The following SCN11A variants were observed in gnomAD, a reference collection of about 807,000 sequenced individuals.
SCN11A encodes sodium channel protein type 11 subunit alpha.
In SCN11A, 122 loss-of-function variants were observed where a neutral mutation model predicts 162.2. The observed-to-expected ratio is 0.75, with a 90% CI of 0.65 to 0.87. The LOEUF is 0.87. Among genes scored for constraint, SCN11A ranks in the 40% least tolerant of loss-of-function variants. The probability of loss-of-function intolerance (pLI) is 0.00; values close to 1 mark genes in which losing one functional copy is unlikely to be tolerated. For missense variants in SCN11A, 2,015 were observed against 2,181.6 expected, an observed-to-expected ratio of 0.92 and a Z score of 1.52; for synonymous variants, 758 against 751.5, an observed-to-expected ratio of 1.01 and a Z score of -0.14.
chr3:38,909,852 G>A lies in SCN11A; in HGVS notation c.1101+214C>T, dbSNP rs550500513. 1.2e-4 allele frequency among the ~76,000 whole-genome samples: 19 copies of A among 152,128 alleles called. No homozygotes were observed. In the South Asian group the frequency reaches 1.7e-3, roughly 13 times the overall value. On this transcript the variant is annotated intron_variant, in intron 12 of 29. Coordinates refer to ENST00000302328, the MANE Select transcript of SCN11A (RefSeq NM_001349253.2). The stretch of plus-strand genomic sequence containing the variant: ...CTTCCAAAGTGCTAGGATTACAGGC[G>A]GGAGTCAGCGTGCCTGGCCAATTTT...
In SCN11A at chr3:39,018,342, C is replaced by T. The variant is rs149874508; in HGVS notation, c.-280+14038G>A. Reference sequence around the variant, plus strand: ...TGTTGGTTGTCTGTCCTGAAAACTCCGGGTGTTTTTATTCTCCTTCAGACT... The same window carrying T: ...TGTTGGTTGTCTGTCCTGAAAACTCTGGGTGTTTTTATTCTCCTTCAGACT... On this transcript the variant is annotated intron_variant, in intron 2 of 29. Coordinates refer to ENST00000302328, the MANE Select transcript of SCN11A (RefSeq NM_001349253.2). Among the ~76,000 whole-genome samples, 268 of 152,026 alleles carry T rather than the reference C, an allele frequency of 1.8e-3. 2 individuals carry two copies. The highest frequency in any genetic ancestry group is 6.0e-3 in the African/African-American group (250 of 41,328).
intron 7 of SCN11A, among the ~76,000 whole-genome samples, chr3:38,933,104 A>C (rs1395505526): frequency 6.6e-6 from 1 of 152,240 alleles, no homozygotes; most frequent in African/African-American, 2.4e-5. Flanking sequence ...GCTGGTACCC[A>C]GGCAAACAGG....
chr3:38,972,049 G>A (rs2066819846), intron 2 of SCN11A, among the ~76,000 whole-genome samples: 1 of 152,174 alleles, frequency 6.6e-6, no homozygotes, highest in South Asian at 2.1e-4. Flanking sequence ...ACTCATTTAA[G>A]AGGGCAAAGG....
In SCN11A at chr3:38,909,201, AG is replaced by A. The variant is rs2065849895; in HGVS notation, c.1102-8del. On this transcript the variant is annotated splice_polypyrimidine_tract_variant and splice_region_variant and intron_variant, in intron 12 of 29. Transcript: ENST00000302328. ...GCCCAGTAGTACGCAGGGTCTGCAA[AG>A]GACAGAGCATGTTCTTGAATATCAA... The A allele has an allele frequency of 6.2e-7, 1 of 1,613,750 alleles. No homozygotes were observed. Among genetic ancestry groups the A allele is most frequent in the Admixed American group, 1.7e-5 (1 of 59,990 alleles).
intron 23 of SCN11A, among the ~76,000 whole-genome samples, chr3:38,876,667 T>A (rs12635993): frequency 2.0e-5 from 3 of 151,966 alleles, no homozygotes; most frequent in African/African-American, 7.3e-5. Context: ...TGATACCACC[T>A]TACTCCTGCA....
intron 2 of SCN11A, among the ~76,000 whole-genome samples, chr3:38,988,641 C>T (rs943742770): frequency 5.3e-5 from 8 of 152,138 alleles, no homozygotes; most frequent in African/African-American, 1.9e-4. Context: ...GGGAATATTC[C>T]CTCCCCTCAT....
rs148723847 is a variant in SCN11A at position 38,959,787 on chromosome 3, C to T, written c.-139+496G>A. 3.0e-4 allele frequency among the ~76,000 whole-genome samples: 46 copies of T among 152,274 alleles called. No homozygotes were observed. In the East Asian group the frequency reaches 6.6e-3, roughly 22 times the overall value. On this transcript the variant is annotated intron_variant, in intron 3 of 29. Coordinates refer to ENST00000302328, the MANE Select transcript of SCN11A (RefSeq NM_001349253.2). ...TAGATCCCATAAGAAAATCAGAAAG[C>T]AAACGAACATGATCAGAGTTTAATG...
intron 2 of SCN11A, among the ~76,000 whole-genome samples, chr3:39,010,877 T>C (rs992025905): frequency 6.6e-6 from 1 of 152,108 alleles, no homozygotes; most frequent in Non-Finnish European, 1.5e-5. Context: ...AAGGGTGGGA[T>C]TGCTGAGGAG....
At chr3:38,936,019 C>T (rs1200785628) in intron 7 of SCN11A, among the ~76,000 whole-genome samples, 1 of 152,108 alleles carries the variant, frequency 6.6e-6, no homozygotes, top group Non-Finnish European at 1.5e-5. Flanking sequence ...AGCTTATCCA[C>T]CATGATCAAG....
intron 18 of SCN11A, among the ~76,000 whole-genome samples, chr3:38,895,814 G>A (rs1033751288): frequency 6.6e-5 from 10 of 151,894 alleles, no homozygotes; most frequent in African/African-American, 1.9e-4. Context: ...ATCCTTTCTC[G>A]GTGCTCTCCT....
At chr3:38,909,451 T>C (rs2065854352) in intron 12 of SCN11A, among the ~76,000 whole-genome samples, 1 of 152,200 alleles carries the variant, frequency 6.6e-6, no homozygotes, top group African/African-American at 2.4e-5. Context: ...CAAGAGTATC[T>C]GCATTTTTAA....
At chr3:39,010,666 C>T (rs991951939) in intron 2 of SCN11A, among the ~76,000 whole-genome samples, 7 of 152,188 alleles carry the variant, frequency 4.6e-5, no homozygotes, top group Non-Finnish European at 7.3e-5. Flanking sequence ...GCGTGAGCCA[C>T]CACTCCCAGC....
At chr3:39,002,397 C>G (rs2030842777) in intron 2 of SCN11A, among the ~76,000 whole-genome samples, 1 of 152,166 alleles carries the variant, frequency 6.6e-6, no homozygotes, top group Non-Finnish European at 1.5e-5. Flanking sequence ...TGAGTTTCAC[C>G]ATCTTGAATG....
At chr3:38,933,538 T>G (rs2066279423) in intron 7 of SCN11A, among the ~76,000 whole-genome samples, 1 of 152,214 alleles carries the variant, frequency 6.6e-6, no homozygotes, top group Admixed American at 6.5e-5. Flanking sequence ...AAGGAGCTGA[T>G]GGAGCTGAAA....
At chr3:38,889,999 C>T (rs967457803) in intron 19 of SCN11A, among the ~76,000 whole-genome samples, 1 of 151,430 alleles carries the variant, frequency 6.6e-6, no homozygotes, top group Non-Finnish European at 1.5e-5. Flanking sequence ...GCAGCAGCTG[C>T]AGGCCATCAG....
intron 2 of SCN11A, among the ~76,000 whole-genome samples, chr3:39,024,528 T>C (rs2031536221): frequency 6.6e-6 from 1 of 152,212 alleles, no homozygotes; most frequent in Non-Finnish European, 1.5e-5. Context: ...AGACTAGCCA[T>C]ACAAACTAGA....
chr3:38,977,894 T>A (rs2066858792), intron 2 of SCN11A, among the ~76,000 whole-genome samples: 1 of 152,186 alleles, frequency 6.6e-6, no homozygotes, highest in Admixed American at 6.5e-5. Context: ...ATCTGCATCA[T>A]CTCTCACCAG....
intron 22 of SCN11A, among the ~76,000 whole-genome samples, chr3:38,881,867 T>C (rs2065315572): frequency 6.6e-6 from 1 of 152,200 alleles, no homozygotes; most frequent in African/African-American, 2.4e-5. Context: ...GAACTGGAGT[T>C]GTGTGCCCTC....
chr3:38,887,010 A>T (rs181769816), intron 19 of SCN11A, among the ~76,000 whole-genome samples: 178 of 152,294 alleles, frequency 1.2e-3, no homozygotes, highest in African/African-American at 4.0e-3. Context: ...CTTGAAATAC[A>T]GCCTTGGAAT....
Sources: allele counts gnomAD v4.1 joint callset (sites outside exome capture counted in the v4.1 genomes callset), GRCh38; gene constraint gnomAD v4.1.1; transcripts MANE v1.5; gene names NCBI Gene and HGNC (gene_info 2026-07-23, HGNC 2026-07-21).